Variants in SLC8A2 observed in about 807,000 individuals in gnomAD.
SLC8A2 encodes the protein sodium/calcium exchanger 2.
A neutral mutation model predicts 70.2 loss-of-function variants in SLC8A2; 14 were observed. That is an observed-to-expected ratio of 0.20 (90% CI 0.13 to 0.31). The LOEUF (loss-of-function observed/expected upper bound fraction) is 0.31. Ranked by LOEUF, SLC8A2 falls within the 10% of genes least tolerant of loss-of-function variation. SLC8A2 has a pLI of 1.00. For synonymous variants in SLC8A2, 575 were observed against 594.3 expected, an observed-to-expected ratio of 0.97 and a Z score of 0.47; for missense variants, 779 against 1,320.1, an observed-to-expected ratio of 0.59 and a Z score of 6.35.
intron 3 of SLC8A2, among the ~76,000 whole-genome samples, chr19:47,456,550 C>T (rs1045779641): frequency 6.6e-6 from 1 of 152,204 alleles, no homozygotes; most frequent in East Asian, 1.9e-4. Context: ...CCTATAATCC[C>T]AGCAACTCAA....
At chr19:47,446,203 GCA>G (rs575215126) in intron 4 of SLC8A2, among the ~76,000 whole-genome samples, 277 of 151,742 alleles carry the variant, frequency 1.8e-3, no homozygotes, top group African/African-American at 6.4e-3. Flanking sequence ...CGCGTGGGCG[GCA>G]CGGAGGAGGG....
chr19:47,439,014 G>A (rs1967065792), intron 6 of SLC8A2, among the ~76,000 whole-genome samples: 1 of 152,142 alleles, frequency 6.6e-6, no homozygotes, highest in Non-Finnish European at 1.5e-5. Flanking sequence ...CGTGGCCACG[G>A]CCTGAGTTAT....
At position 47,468,856 on chromosome 19, in the gene SLC8A2, C is replaced by G. The variant is rs1218298375; in HGVS notation, c.-16-2437G>C. Reference sequence around the variant, plus strand: ...CCACCCTCATGTTGCCATGGTAACCCAGTGGCTTATCAAAAAGAGAAGGAG... The same window carrying G: ...CCACCCTCATGTTGCCATGGTAACCGAGTGGCTTATCAAAAAGAGAAGGAG... On this transcript the variant is annotated intron_variant, in intron 1 of 9. Coordinates refer to ENST00000236877, the MANE Select transcript of SLC8A2 (RefSeq NM_015063.3). The surrounding 1 kb of genome is among the most constrained non-coding windows in gnomAD (Gnocchi z 5.1). Among the ~76,000 whole-genome samples the G allele has an allele frequency of 2.0e-5, 3 of 152,032 alleles. No homozygotes were observed. The highest frequency in any genetic ancestry group is 1.3e-4 in the Admixed American group (2 of 15,276).
chr19:47,444,315 G>C lies in SLC8A2; in HGVS notation c.1764-2875C>G, dbSNP rs116833348. The stretch of plus-strand genomic sequence containing the variant: ...TCAATCAGGCAGTCATTCAAAAGAC[G>C]CATCTCAACACACAAACACGCACAA... On this transcript the variant is annotated intron_variant, in intron 4 of 9. Transcript: ENST00000236877. 6.0e-3 allele frequency among the ~76,000 whole-genome samples: 908 copies of C among 152,142 alleles called. 12 individuals carry two copies. Among genetic ancestry groups the C allele is most frequent in the African/African-American group, 0.021 (870 of 41,494 alleles).
chr19:47,469,752 T>C (rs1967509820), intron 1 of SLC8A2, among the ~76,000 whole-genome samples: 1 of 152,268 alleles, frequency 6.6e-6, no homozygotes, highest in South Asian at 2.1e-4. Context: ...TGAAACCCAA[T>C]CTGCTTTTAG....
rs1243151553 is a variant in SLC8A2, at chr19:47,447,847, G to A, written c.1725C>T (p.Asp575=). Residue 575 remains aspartate (D), a synonymous_variant, in exon 4 of 10, where the codon GAC becomes GAT. Transcript: ENST00000236877. This position sits in a 1 kb window ranked among gnomAD's most constrained non-coding sequence, Gnocchi z 5.1. ...CGCCAAACTCCAGCTCTCCGCACGCGTCCTCGTAGTGCACGCCGCCGCCGC... is the reference window on the plus strand; with the variant it reads ...CGCCAAACTCCAGCTCTCCGCACGCATCCTCGTAGTGCACGCCGCCGCCGC... The part of the protein sequence containing the change: ...TARGGGVHYE[D]ACGELEFGDD... The A allele has an allele frequency of 1.3e-6, 2 of 1,595,404 alleles. No homozygotes were observed. The highest frequency in any genetic ancestry group is 3.4e-5 in the Admixed American group (2 of 59,008).
In SLC8A2 at chr19:47,457,364, G is replaced by GGGGCCC; in HGVS notation, c.900_905dup (p.Gly301_Pro302dup). ...TGGCGTCCAGCTCGCGCGCCTCGGC[G>GGGGCCC]GGGCCCGGGCCCAGGCCGCCCAGCT... On this transcript the variant is annotated inframe_insertion, in exon 3 of 10. Transcript: ENST00000236877. 4 of 1,544,350 alleles carry GGGGCCC rather than the reference G, an allele frequency of 2.6e-6. No homozygotes were observed. Among genetic ancestry groups the GGGGCCC allele is most frequent in the Non-Finnish European group, 3.5e-6 (4 of 1,145,408 alleles).
chr19:47,469,829 T>C (rs992877386), intron 1 of SLC8A2, among the ~76,000 whole-genome samples: 1 of 152,140 alleles, frequency 6.6e-6, no homozygotes, highest in African/African-American at 2.4e-5. Context: ...GCAGGTACCG[T>C]CTCCCAGGGC....
intron 4 of SLC8A2, 59 bp from the exon 5 acceptor site, chr19:47,441,499 AC>A: frequency 9.9e-7 from 1 of 1,005,612 alleles, no homozygotes; most frequent in Non-Finnish European, 1.5e-6. Context: ...CCCCAGACTC[AC>A]CAGGCAACCC....
chr19:47,445,778 A>G (rs1174118142), intron 4 of SLC8A2, among the ~76,000 whole-genome samples: 1 of 152,002 alleles, frequency 6.6e-6, no homozygotes, highest in Non-Finnish European at 1.5e-5. Context: ...GCAGGAGGGA[A>G]GCAGGTTGGA....
chr19:47,433,662 T>C (rs1365280398), intron 8 of SLC8A2, among the ~76,000 whole-genome samples: 2 of 152,112 alleles, frequency 1.3e-5, no homozygotes, highest in Non-Finnish European at 2.9e-5. Flanking sequence ...ACTTTTTTTT[T>C]TTTTTGAGAC....
chr19:47,465,668 C>T lies in SLC8A2; in HGVS notation c.675+61G>A. ...AGCAATCAACACTCCAAGCCAAGAGCACCTCTCTGGATTTTGCAGACACAC... is the reference window on the plus strand; with the variant it reads ...AGCAATCAACACTCCAAGCCAAGAGTACCTCTCTGGATTTTGCAGACACAC... On this transcript the variant is annotated intron_variant, in intron 2 of 9. Coordinates refer to ENST00000236877, the MANE Select transcript of SLC8A2 (RefSeq NM_015063.3). The surrounding 1 kb of genome is among the most constrained non-coding windows in gnomAD (Gnocchi z 5.5). 7.2e-7 allele frequency: 1 copy of T among 1,381,234 alleles called. No individual in the cohort carries two copies. The highest frequency in any genetic ancestry group is 9.9e-7 in the Non-Finnish European group (1 of 1,011,448). The allele number at this position is 1,381,234 out of a possible 1,614,324, so 85.6% of individuals were successfully genotyped here.
At chr19:47,446,727 T>G (rs533223012) in intron 4 of SLC8A2, among the ~76,000 whole-genome samples, 244 of 152,260 alleles carry the variant, frequency 1.6e-3, no homozygotes, top group Non-Finnish European at 2.7e-3. Flanking sequence ...ATTTTTAGAG[T>G]AGGAGTCTTG....
rs1428655627 is a variant in SLC8A2 at position 47,466,559 on chromosome 19, GAC to G, written c.-16-142_-16-141del. ...CAGGATGGGGACTGAGGGCGACAGA[GAC>G]ACAGAGAGTGACAGACAGAGACCCA... is the stretch of plus-strand genomic sequence containing the variant. On this transcript the variant is annotated intron_variant, in intron 1 of 9. Coordinates refer to ENST00000236877, the MANE Select transcript of SLC8A2 (RefSeq NM_015063.3). The surrounding 1 kb of genome is among the most constrained non-coding windows in gnomAD (Gnocchi z 6.9). The G allele has an allele frequency of 3.7e-6, 2 of 545,120 alleles. No homozygotes were observed. Among genetic ancestry groups the G allele is most frequent in the African/African-American group, 3.9e-5 (2 of 51,812 alleles). 33.8% of individuals were successfully genotyped at this position (545,120 alleles called of 1,614,324 possible).
intron 3 of SLC8A2, among the ~76,000 whole-genome samples, chr19:47,452,655 A>G (rs934192461): frequency 6.6e-6 from 1 of 152,124 alleles, no homozygotes; most frequent in African/African-American, 2.4e-5. Flanking sequence ...CACAGGACTT[A>G]TGTTTCAGCA....
At chr19:47,435,309 G>C (rs1488527813) in intron 8 of SLC8A2, among the ~76,000 whole-genome samples, 1 of 151,970 alleles carries the variant, frequency 6.6e-6, no homozygotes, top group East Asian at 1.9e-4. Context: ...CCTCCACCCC[G>C]ATCTAATCAC....
Position 47,432,298 on chromosome 19 carries a change from C to A in SLC8A2, c.2258G>T (p.Gly753Val), listed in dbSNP as rs1966973788. ...TEYCHGWACF[G>V]VSILVIGLLT... ...CAGGCCGATGACCAGGATGGAGACA[C>A]CAAAGCAGGCCCAGCCGTGGCAGTA... Residue 753 changes from glycine to valine, a missense_variant, in exon 9 of 10, where the codon GGT becomes GTT. Physicochemically the swap from Gly to Val is moderately radical, Grantham distance 109. This residue lies in a region of SLC8A2 where 108 missense variants were observed against 269.6 expected (regional missense o/e 0.40). Transcript: ENST00000236877. The surrounding 1 kb of genome is among the most constrained non-coding windows in gnomAD (Gnocchi z 6.2). 1 of 1,614,138 alleles carries A rather than the reference C, an allele frequency of 6.2e-7. No individual in the cohort carries two copies. Among genetic ancestry groups the A allele is most frequent in the Non-Finnish European group, 8.5e-7 (1 of 1,180,012 alleles).
chr19:47,463,844 T>G (rs1291190175), intron 2 of SLC8A2, among the ~76,000 whole-genome samples: 1 of 152,148 alleles, frequency 6.6e-6, no homozygotes, highest in African/African-American at 2.4e-5. Context: ...ACGGAACAAT[T>G]CAGTTAATCC....
rs200967347 is a variant in SLC8A2 at position 47,441,128 on chromosome 19, T to G, written c.1885+41A>C. ...GACCCTCCCCCAGGCCCTCTTCCAG[T>G]GGCTCCTCCCCACTCAGAGCCCAGA... On this transcript the variant is annotated intron_variant, in intron 6 of 9. Transcript: ENST00000236877. The G allele has an allele frequency of 1.3e-5, 21 of 1,599,428 alleles. No homozygotes were observed. In the East Asian group the frequency reaches 4.7e-4, roughly 36 times the overall value.
Sources: gnomAD v4.1 joint callset for allele counts (sites outside exome capture counted in the v4.1 genomes callset) on GRCh38, gnomAD v4.1.1 for gene constraint, gnomAD v4.1.1 regional missense constraint, Gnocchi (gnomAD v3.1) non-coding constraint, MANE v1.5 for transcripts, NCBI Gene and HGNC (gene_info 2026-07-23, HGNC 2026-07-21) for gene names.